NFX1: variants seen among roughly 807,000 people sequenced by gnomAD.
NFX1 encodes nuclear transcription factor, X-box binding 1.
In NFX1, 69 loss-of-function variants were observed where a neutral mutation model predicts 137.2. The observed-to-expected ratio is 0.50, with a 90% CI of 0.41 to 0.61. The LOEUF (loss-of-function observed/expected upper bound fraction) is 0.61. Ranked by LOEUF, NFX1 falls within the 20% of genes least tolerant of loss-of-function variation. NFX1 has a pLI of 0.00. For synonymous variants in NFX1, 495 were observed against 474.1 expected, an observed-to-expected ratio of 1.04 and a Z score of -0.57; for missense variants, 1,167 against 1,391.0, an observed-to-expected ratio of 0.84 and a Z score of 2.56.
chr9:33,353,683 CTT>C lies in NFX1; in HGVS notation c.2730-382_2730-381del, dbSNP rs111306917. On this transcript the variant is annotated intron_variant, in intron 17 of 23. Coordinates refer to ENST00000379540, the MANE Select transcript of NFX1 (RefSeq NM_002504.6). ...CACCAGTTTTCATCTGATAGATTTG[CTT>C]TTTTTTTTTTTTTTTTTTTTGAAAT... Among the ~76,000 whole-genome samples, 31 of 110,080 alleles carry C rather than the reference CTT, an allele frequency of 2.8e-4. 1 individual carries two copies. The highest frequency in any genetic ancestry group is 2.9e-4 in the Admixed American group (3 of 10,182). The allele number at this position is 110,080 out of a possible 152,430, so 72.2% of individuals were successfully genotyped here.
chr9:33,302,419 T>G (rs1222720250), intron 3 of NFX1, among the ~76,000 whole-genome samples: 3 of 145,446 alleles, frequency 2.1e-5, no homozygotes, highest in Admixed American at 1.4e-4. Context: ...TGGAGTCCAG[T>G]GGTGTGATCA....
chr9:33,322,929 G>C (rs1056716084), intron 9 of NFX1, among the ~76,000 whole-genome samples: 3 of 152,198 alleles, frequency 2.0e-5, no homozygotes, highest in African/African-American at 7.2e-5. Context: ...CCCTCTTCAG[G>C]TCAGAACAAA....
rs564782043 is a variant in NFX1, at chr9:33,312,113, AT to A, written c.1448+941del. Among the ~76,000 whole-genome samples the A allele has an allele frequency of 6.4e-3, 968 of 152,284 alleles. 7 individuals carry two copies. The highest frequency in any genetic ancestry group is 0.022 in the African/African-American group (921 of 41,544). On this transcript the variant is annotated intron_variant, in intron 6 of 23. Coordinates refer to ENST00000379540, the MANE Select transcript of NFX1 (RefSeq NM_002504.6). ...TGAGGCCCAGTAAGATCTTAAAATGATTTTTGAACCACAGGATGAGATGAAT... is the reference window on the plus strand; with the variant it reads ...TGAGGCCCAGTAAGATCTTAAAATGATTTTGAACCACAGGATGAGATGAAT...
chr9:33,295,796 A>G (rs1821334618), intron 2 of NFX1, among the ~76,000 whole-genome samples: 1 of 152,222 alleles, frequency 6.6e-6, no homozygotes, highest in South Asian at 2.1e-4. Context: ...TTTTGGTTTC[A>G]TCCTGCATCA....
intron 19 of NFX1, among the ~76,000 whole-genome samples, chr9:33,359,899 C>T (rs1379946929): frequency 6.6e-6 from 1 of 152,156 alleles, no homozygotes; most frequent in African/African-American, 2.4e-5. Context: ...CAAATGCAGA[C>T]AAAGTATAGC....
In NFX1 at chr9:33,370,044, A is replaced by G. The variant is rs546498748; in HGVS notation, c.*66A>G. 1.0e-3 allele frequency: 1,266 copies of G among 1,250,544 alleles called. No homozygotes were observed. The highest frequency in any genetic ancestry group is 1.2e-3 in the Non-Finnish European group (993 of 860,338). 77.5% of individuals were successfully genotyped at this position (1,250,544 alleles called of 1,614,324 possible). A position where few individuals can be genotyped will look rare whatever the true frequency, so the allele number is the denominator to read the frequency against. On this transcript the variant is annotated 3_prime_UTR_variant, in exon 24 of 24. Coordinates refer to ENST00000379540, the MANE Select transcript of NFX1 (RefSeq NM_002504.6). ...AGTGGAGACTTATTTGCCAGCAGAT[A>G]AATCATGCCCGTTCCCCTCTGCCTG... is the stretch of plus-strand genomic sequence containing the variant.
chr9:33,309,216 G>A (rs145160044), intron 5 of NFX1, among the ~76,000 whole-genome samples: 63 of 152,186 alleles, frequency 4.1e-4, no homozygotes, highest in African/African-American at 1.5e-3. Flanking sequence ...AATTAGCCGG[G>A]TGTGGTGGTG....
At chr9:33,325,297 T>A (rs1381544079) in intron 9 of NFX1, among the ~76,000 whole-genome samples, 1 of 152,154 alleles carries the variant, frequency 6.6e-6, no homozygotes, top group Non-Finnish European at 1.5e-5. Flanking sequence ...AACAGTGGAC[T>A]TCTCATCAGA....
Position 33,301,316 on chromosome 9 carries a change from G to C in NFX1, c.1087G>C (p.Glu363Gln). The change falls in exon 3 of 24, where the codon GAA (glutamate) becomes CAA (glutamine). Residue 363 changes from glutamate to glutamine, a missense_variant. Physicochemically the swap from Glu to Gln is conservative, Grantham distance 29. Coordinates refer to ENST00000379540, the MANE Select transcript of NFX1 (RefSeq NM_002504.6). ...TEKYECMVCCELVRVTAPVWS... is the reference protein window; with the variant it reads ...TEKYECMVCCQLVRVTAPVWS... ...AAAATACGAGTGCATGGTGTGCTGT[G>C]AATTGGTTCGTGTCACGGCCCCAGT... The C allele has an allele frequency of 6.2e-7, 1 of 1,614,216 alleles. No homozygotes were observed.
intron 6 of NFX1, 64 bp downstream of exon 6, chr9:33,311,241 T>A: frequency 6.9e-7 from 1 of 1,447,296 alleles, no homozygotes; most frequent in South Asian, 1.1e-5. Context: ...ACTTGTGAAT[T>A]TCTGAAATAA....
In NFX1 at chr9:33,295,859, A is replaced by G. The variant is rs574911273; in HGVS notation, c.1033+432A>G. On this transcript the variant is annotated intron_variant, in intron 2 of 23. Coordinates refer to ENST00000379540, the MANE Select transcript of NFX1 (RefSeq NM_002504.6). Reference sequence around the variant, plus strand: ...GTTGCAGCAGTTCCTAACTGGTCTTATCATCTCTTAATTTCTCTCTTTCAG... The same window carrying G: ...GTTGCAGCAGTTCCTAACTGGTCTTGTCATCTCTTAATTTCTCTCTTTCAG... Among the ~76,000 whole-genome samples the G allele has an allele frequency of 5.9e-5, 9 of 152,268 alleles. No homozygotes were observed. In the East Asian group the frequency reaches 1.4e-3, roughly 23 times the overall value.
At position 33,367,611 on chromosome 9, in the gene NFX1, G is replaced by A. The variant is rs1824207955; in HGVS notation, c.3282G>A (p.Gln1094=). 1.2e-6 allele frequency: 2 copies of A among 1,613,668 alleles called. No individual in the cohort carries two copies. The highest frequency in any genetic ancestry group is 1.7e-6 in the Non-Finnish European group (2 of 1,179,692). ...CACCGATTCCTCATCACAGACATCA[G>A]TCAGACAAGTAAGATTCTCCAGCTG... The part of the protein sequence containing the change: ...PPPPIPHHRH[Q]SDKNPGSSNL... The change falls in exon 23 of 24, where the codon CAG becomes CAA. Residue 1094 remains glutamine, a synonymous_variant. Coordinates refer to ENST00000379540, the MANE Select transcript of NFX1 (RefSeq NM_002504.6).
intron 17 of NFX1, 157 bp downstream of exon 17, chr9:33,352,876 C>A: frequency 1.6e-6 from 1 of 607,822 alleles, no homozygotes; most frequent in East Asian, 2.8e-5. Flanking sequence ...TGCACAGATA[C>A]ATGTGTTTAT....
chr9:33,361,434 TG>T (rs946794665), intron 19 of NFX1, among the ~76,000 whole-genome samples: 1 of 152,016 alleles, frequency 6.6e-6, no homozygotes, highest in Non-Finnish European at 1.5e-5. Flanking sequence ...TTCTTATTTT[TG>T]GGGGGGTGAG....
At chr9:33,322,731 G>A (rs1822433512) in intron 9 of NFX1, among the ~76,000 whole-genome samples, 2 of 152,242 alleles carry the variant, frequency 1.3e-5, no homozygotes, top group South Asian at 2.1e-4. Flanking sequence ...TTCCCAGGGC[G>A]AGAGACAGTT....
Position 33,294,710 on chromosome 9 carries a change from T to G in NFX1, c.316T>G (p.Trp106Gly). Reference sequence around the variant, plus strand: ...GAGCCATGGCCTTCAGAATCAACCTTGGCAGAAATTGAGGAATGAGAAGCA... The same window carrying G: ...GAGCCATGGCCTTCAGAATCAACCTGGGCAGAAATTGAGGAATGAGAAGCA... ...PKSHGLQNQP[W>G]QKLRNEKHHI... Residue 106 changes from tryptophan to glycine, a missense_variant, in exon 2 of 24, where the codon TGG becomes GGG. Trp to Gly is a radical substitution (Grantham distance 184, BLOSUM62 -2). Coordinates refer to ENST00000379540, the MANE Select transcript of NFX1 (RefSeq NM_002504.6). 2 of 1,614,080 alleles carry G rather than the reference T, an allele frequency of 1.2e-6. No individual in the cohort carries two copies. The highest frequency in any genetic ancestry group is 1.7e-6 in the Non-Finnish European group (2 of 1,180,014).
Position 33,354,163 on chromosome 9 carries a change from C to T in NFX1, c.2807C>T (p.Thr936Ile). The T allele has an allele frequency of 1.2e-6, 2 of 1,612,964 alleles. No individual in the cohort carries two copies. The highest frequency in any genetic ancestry group is 1.7e-6 in the Non-Finnish European group (2 of 1,179,596). Residue 936 changes from threonine (T) to isoleucine (I), a missense_variant, in exon 18 of 24, where the codon ACC (threonine) becomes ATC (isoleucine). This residue lies in a region of NFX1 where 312 missense variants were observed against 312.8 expected (regional missense o/e 1.00). Coordinates refer to ENST00000379540, the MANE Select transcript of NFX1 (RefSeq NM_002504.6). ...TCAGTGGAGATCAGCAAGTTAATTA[C>T]CAAAAAGGAAGTTCATCAAGCCAGG... ...GGSVEISKLITKKEVHQARLE... is the reference protein window; with the variant it reads ...GGSVEISKLIIKKEVHQARLE...
chr9:33,335,182 CTCTG>C (rs912998268), intron 11 of NFX1, among the ~76,000 whole-genome samples: 1 of 150,878 alleles, frequency 6.6e-6, no homozygotes, highest in African/African-American at 2.4e-5. Flanking sequence ...AAAATATTTT[CTCTG>C]TCTTACATTT....
intron 17 of NFX1, among the ~76,000 whole-genome samples, chr9:33,353,738 G>C (rs375121826): frequency 2.2e-5 from 3 of 136,186 alleles, no homozygotes; most frequent in African/African-American, 8.3e-5. Context: ...GCCCAGGCTA[G>C]AGTGCAATGG....
Sources: allele counts gnomAD v4.1 joint callset (sites outside exome capture counted in the v4.1 genomes callset), GRCh38; gene constraint gnomAD v4.1.1; regional missense constraint gnomAD v4.1.1; transcripts MANE v1.5; gene names NCBI Gene and HGNC (gene_info 2026-07-23, HGNC 2026-07-21).